The following CDH1 variants were observed in gnomAD, a reference collection of about 807,000 sequenced individuals.
CDH1 encodes cadherin 1, also known as cadherin-1.
A neutral mutation model predicts 84.5 loss-of-function variants in CDH1; 35 were observed. The observed-to-expected ratio is 0.41, with a 90% CI of 0.32 to 0.55. The LOEUF (loss-of-function observed/expected upper bound fraction) is 0.55. Among genes scored for constraint, CDH1 ranks in the 20% least tolerant of loss-of-function variants. The pLI, the probability that CDH1 is intolerant of heterozygous loss-of-function variation, is 0.19. For synonymous variants in CDH1, 417 were observed against 439.0 expected, an observed-to-expected ratio of 0.95 and a Z score of 0.63; for missense variants, 994 against 1,126.6, an observed-to-expected ratio of 0.88 and a Z score of 1.68.
Position 68,824,244 on chromosome 16 carries a change from G to A in CDH1, c.2164+618G>A, listed in dbSNP as rs550884220. 1.5e-3 allele frequency among the ~76,000 whole-genome samples: 231 copies of A among 152,018 alleles called. 1 individual carries two copies. The highest frequency in any genetic ancestry group is 2.9e-3 in the Non-Finnish European group (194 of 67,982). On this transcript the variant is annotated intron_variant, in intron 13 of 15. Coordinates refer to ENST00000261769, the MANE Select transcript of CDH1 (RefSeq NM_004360.5). Reference sequence around the variant, plus strand: ...ACTCCCGACCTCAGGTGATCCACCCGCCTCAGCCTCCCAAAGTGCTGGGAT... The same window carrying A: ...ACTCCCGACCTCAGGTGATCCACCCACCTCAGCCTCCCAAAGTGCTGGGAT...
chr16:68,742,757 C>G (rs1349532594), intron 2 of CDH1, among the ~76,000 whole-genome samples: 1 of 152,200 alleles, frequency 6.6e-6, no homozygotes, highest in Non-Finnish European at 1.5e-5. Context: ...CTGAACGTTT[C>G]AGAAAACAGT....
chr16:68,807,477 C>G (rs919036509), intron 3 of CDH1, among the ~76,000 whole-genome samples: 1 of 152,000 alleles, frequency 6.6e-6, no homozygotes, highest in African/African-American at 2.4e-5. Context: ...CGAGACCAGT[C>G]TGGGCAAGAT....
At chr16:68,745,550 A>AAATATATATATAGATG (rs71253605) in intron 2 of CDH1, among the ~76,000 whole-genome samples, 2 of 50,510 alleles carry the variant, frequency 4.0e-5, no homozygotes, top group East Asian at 3.8e-4. Context: ...AAAAAAAAAA[A>AAATATATATATAGATG]TATATATATA....
chr16:68,803,845 CAAGTT>C (rs1375706670), intron 3 of CDH1, among the ~76,000 whole-genome samples: 1 of 152,042 alleles, frequency 6.6e-6, no homozygotes, highest in Non-Finnish European at 1.5e-5. Flanking sequence ...GTTTATTCCT[CAAGTT>C]AAGGAAGCCC....
chr16:68,801,454 A>G (rs1238924771), intron 2 of CDH1, among the ~76,000 whole-genome samples: 1 of 152,172 alleles, frequency 6.6e-6, no homozygotes, highest in East Asian at 1.9e-4. Flanking sequence ...TTTTCAATTG[A>G]CAAGAAGATG....
At chr16:68,758,915 C>T (rs1043046488) in intron 2 of CDH1, among the ~76,000 whole-genome samples, 1 of 151,844 alleles carries the variant, frequency 6.6e-6, no homozygotes, top group African/African-American at 2.4e-5. Flanking sequence ...CCTGCCTCAG[C>T]CTTCTGAGTA....
In CDH1 at chr16:68,812,223, C is replaced by G. The variant is rs876660260; in HGVS notation, c.1097C>G (p.Thr366Ser). The change falls in exon 8 of 16, where the codon ACT becomes AGT. Residue 366 changes from threonine to serine, a missense_variant. Around this residue, in one of 3 missense-constraint regions of CDH1, gnomAD observed 769 missense variants for 881.8 expected, o/e 0.87. Coordinates refer to ENST00000261769, the MANE Select transcript of CDH1 (RefSeq NM_004360.5). ...ACAGCAACAGCTGTGATCACAGTCA[C>G]TGACACCAACGATAATCCTCCGATC... ...STTATAVITVTDTNDNPPIFN... is the reference protein window; with the variant it reads ...STTATAVITVSDTNDNPPIFN... 9.3e-6 allele frequency: 15 copies of G among 1,614,162 alleles called. No individual in the cohort carries two copies. Among genetic ancestry groups the G allele is most frequent in the Non-Finnish European group, 1.3e-5 (15 of 1,180,014 alleles).
intron 2 of CDH1, among the ~76,000 whole-genome samples, chr16:68,777,534 CT>C (rs71148949): frequency 2.6e-3 from 204 of 76,982 alleles, no homozygotes; most frequent in African/African-American, 6.3e-3. Context: ...GTAATGTTTC[CT>C]TTTTTTTTTT....
In CDH1 at chr16:68,834,843, C is replaced by T. The variant is rs549193599; in HGVS notation, c.*1344C>T. The T allele has an allele frequency of 2.1e-5, 5 of 232,712 alleles. No homozygotes were observed. Among genetic ancestry groups the T allele is most frequent in the African/African-American group, 2.2e-5 (1 of 45,382 alleles). 14.4% of individuals were successfully genotyped at this position (232,712 alleles called of 1,614,324 possible). A position where few individuals can be genotyped will look rare whatever the true frequency, so the allele number is the denominator to read the frequency against. On this transcript the variant is annotated 3_prime_UTR_variant, in exon 16 of 16. Transcript: ENST00000261769. ...TGCTGCAGCCAAAGACAGAGCGGAA[C>T]TATGAAAAGTGGGCTTGGAGATGGC...
chr16:68,791,570 G>A (rs150641739), intron 2 of CDH1, among the ~76,000 whole-genome samples: 2 of 152,004 alleles, frequency 1.3e-5, no homozygotes, highest in African/African-American at 2.4e-5. Context: ...CTATAGACAC[G>A]CGCCACCACA....
chr16:68,792,064 G>A (rs1785612023), intron 2 of CDH1, among the ~76,000 whole-genome samples: 1 of 151,274 alleles, frequency 6.6e-6, no homozygotes, highest in African/African-American at 2.4e-5. Flanking sequence ...GAGATTACAG[G>A]TGCCCACCAC....
chr16:68,791,573 C>T (rs2152123746), intron 2 of CDH1, among the ~76,000 whole-genome samples: 1 of 152,146 alleles, frequency 6.6e-6, no homozygotes, highest in East Asian at 1.9e-4. Context: ...TAGACACGCG[C>T]CACCACACCC....
intron 2 of CDH1, among the ~76,000 whole-genome samples, chr16:68,741,760 A>C (rs1448528109): frequency 3.3e-5 from 5 of 151,422 alleles, no homozygotes; most frequent in Admixed American, 2.0e-4. Flanking sequence ...GCTCACTGCA[A>C]CCTCTGCTTC....
intron 2 of CDH1, among the ~76,000 whole-genome samples, chr16:68,798,130 G>A (rs1960412151): frequency 6.6e-6 from 1 of 152,088 alleles, no homozygotes; most frequent in Non-Finnish European, 1.5e-5. Flanking sequence ...GGGGAGTGGG[G>A]TCTTAGCTTC....
At chr16:68,803,093 C>G (rs1960559171) in intron 3 of CDH1, among the ~76,000 whole-genome samples, 1 of 152,108 alleles carries the variant, frequency 6.6e-6, no homozygotes, top group Non-Finnish European at 1.5e-5. Flanking sequence ...GGGGGATATT[C>G]TGGTTGTGTC....
At chr16:68,751,183 T>C (rs1962874952) in intron 2 of CDH1, among the ~76,000 whole-genome samples, 4 of 152,164 alleles carry the variant, frequency 2.6e-5, no homozygotes, top group Admixed American at 2.6e-4. Flanking sequence ...AAATTACCCA[T>C]GGTTCCCCAT....
chr16:68,813,014 C>T (rs779664396), intron 8 of CDH1, among the ~76,000 whole-genome samples: 33 of 151,990 alleles, frequency 2.2e-4, no homozygotes, highest in Admixed American at 1.8e-3. Flanking sequence ...CACCCCAGTG[C>T]GCCCATTGCC....
chr16:68,817,831 C>A (rs1961021219), intron 10 of CDH1, among the ~76,000 whole-genome samples: 1 of 152,212 alleles, frequency 6.6e-6, no homozygotes, highest in African/African-American at 2.4e-5. Context: ...CATATTGGAT[C>A]CTGAATCCAG....
intron 2 of CDH1, among the ~76,000 whole-genome samples, chr16:68,741,368 T>G (rs1287827595): frequency 6.6e-6 from 1 of 152,188 alleles, no homozygotes; most frequent in East Asian, 1.9e-4. Context: ...GGACTTGGGA[T>G]GTGGCCTGAC....
Sources: allele counts gnomAD v4.1 joint callset (sites outside exome capture counted in the v4.1 genomes callset), GRCh38; gene constraint gnomAD v4.1.1; regional missense constraint gnomAD v4.1.1; transcripts MANE v1.5; gene names NCBI Gene and HGNC (gene_info 2026-07-23, HGNC 2026-07-21).